Variants in PPL observed in about 807,000 individuals in gnomAD.
PPL encodes periplakin.
Under a neutral mutation model 194.4 loss-of-function variants are expected in PPL, and 198 were observed. That is an observed-to-expected ratio of 1.02 (90% CI 0.91 to 1.15). The LOEUF is 1.15. PPL is among the 50% of genes most tolerant of loss of function. The pLI is 0.00. For missense variants in PPL, 2,885 were observed against 2,294.8 expected, an observed-to-expected ratio of 1.26 and a Z score of -5.25; for synonymous variants, 1,220 against 972.4, an observed-to-expected ratio of 1.25 and a Z score of -4.74.
intron 2 of PPL, among the ~76,000 whole-genome samples, chr16:4,904,450 C>A (rs1305663335): frequency 1.3e-5 from 2 of 152,064 alleles, no homozygotes; most frequent in African/African-American, 4.8e-5. Flanking sequence ...CAAGTCCCTC[C>A]AAGTCAGTGT....
intron 2 of PPL, among the ~76,000 whole-genome samples, chr16:4,908,162 CAAAAAAAAAA>C (rs55889324): frequency 2.7e-5 from 2 of 73,260 alleles, no homozygotes; most frequent in African/African-American, 9.8e-5. Context: ...AGACTGTCTC[CAAAAAAAAAA>C]AAAAAAAAAG....
intron 1 of PPL, among the ~76,000 whole-genome samples, chr16:4,918,965 C>T (rs2142402970): frequency 6.6e-6 from 1 of 152,290 alleles, no homozygotes; most frequent in East Asian, 1.9e-4. Flanking sequence ...CACCCCTGGG[C>T]CATCAGCCCC....
At position 4,910,928 on chromosome 16, in the gene PPL, C is replaced by T. The variant is rs754578337; in HGVS notation, c.84G>A (p.Ser28=). The change falls in exon 2 of 22, where the codon TCG becomes TCA. Residue 28 remains serine, a synonymous_variant. Coordinates refer to ENST00000345988, the MANE Select transcript of PPL (RefSeq NM_002705.5). ...QTRSISNKEL[S]ELIEQLQKNA... is the part of the protein sequence containing the mutation. Reference sequence around the variant, plus strand: ...TCTTCTGCAGCTGCTCGATCAGCTCCGAGAGCTCCTTGTTAGAGATGCTGC... The same window carrying T: ...TCTTCTGCAGCTGCTCGATCAGCTCTGAGAGCTCCTTGTTAGAGATGCTGC... The T allele has an allele frequency of 5.6e-6, 9 of 1,613,082 alleles. No individual in the cohort carries two copies. The highest frequency in any genetic ancestry group is 2.2e-5 in the East Asian group (1 of 44,846).
At chr16:4,886,980 AGCATTGGCTCGGGCCAGTCTTT>A (rs2088229116) in intron 21 of PPL, among the ~76,000 whole-genome samples, 133 bp downstream of exon 21, 1 of 152,256 alleles carries the variant, frequency 6.6e-6, no homozygotes, top group Non-Finnish European at 1.5e-5. Context: ...TGTCAGTAGA[AGCATTGGCTCGGGCCAGTCTTT>A]GCATTGGCCC....
intron 6 of PPL, among the ~76,000 whole-genome samples, chr16:4,899,924 C>T (rs577462635): frequency 2.6e-5 from 4 of 152,254 alleles, no homozygotes; most frequent in South Asian, 2.1e-4. Flanking sequence ...CATTTTGGTA[C>T]GTGGGGCCCT....
At chr16:4,890,426 G>T (rs149510871) in intron 17 of PPL, 92 bp from the exon 18 acceptor site, 7 of 1,413,168 alleles carry the variant, frequency 5.0e-6, no homozygotes, top group Non-Finnish European at 6.5e-6. Context: ...ACAACCAAAT[G>T]TAACAACCAG....
chr16:4,902,799 C>G lies in PPL; in HGVS notation c.318-273G>C, dbSNP rs1042226470. ...CCGCCTCCCAGGTTCAAGCAATTCTCCTGCCTCAACCTCCCGAGTAGCTGG... is the reference window on the plus strand; with the variant it reads ...CCGCCTCCCAGGTTCAAGCAATTCTGCTGCCTCAACCTCCCGAGTAGCTGG... On this transcript the variant is annotated intron_variant, in intron 3 of 21. Coordinates refer to ENST00000345988, the MANE Select transcript of PPL (RefSeq NM_002705.5). This position sits in a 1 kb window ranked among gnomAD's most constrained non-coding sequence, Gnocchi z 4.0. Among the ~76,000 whole-genome samples, 9 of 152,148 alleles carry G rather than the reference C, an allele frequency of 5.9e-5. No homozygotes were observed. The highest frequency in any genetic ancestry group is 5.9e-4 in the Admixed American group (9 of 15,284).
chr16:4,887,341 G>A (rs2088235715), intron 20 of PPL, 114 bp from the exon 21 acceptor site: 1 of 754,070 alleles, frequency 1.3e-6, no homozygotes, highest in South Asian at 1.4e-5. Context: ...TGGGGGTAGA[G>A]GCATAGCTCT....
intron 1 of PPL, among the ~76,000 whole-genome samples, chr16:4,919,926 C>T (rs1220895761): frequency 6.6e-6 from 1 of 151,906 alleles, no homozygotes; most frequent in African/African-American, 2.4e-5. Flanking sequence ...GAGAAAGACC[C>T]TGTCTCAAAT....
intron 2 of PPL, among the ~76,000 whole-genome samples, chr16:4,904,991 C>T (rs144017293): frequency 1.9e-3 from 289 of 152,240 alleles, no homozygotes; most frequent in African/African-American, 5.6e-3. Flanking sequence ...CTAATCACAG[C>T]GGGTTAATTC....
rs767807975 is a variant in PPL, at chr16:4,895,378, C to A, written c.1125G>T (p.Glu375Asp). Residue 375 changes from glutamate to aspartate, a missense_variant, in exon 11 of 22, where the codon GAG (glutamate) becomes GAT (aspartate). Transcript: ENST00000345988. The stretch of plus-strand genomic sequence containing the variant: ...GCTTCTGCAGCCCCTGCACCACGTC[C>A]TCATACTTGTCCAGCACCTTCTCCT... ...DDQEKVLDKYEDVVQGLQKRG... is the reference protein window; with the variant it reads ...DDQEKVLDKYDDVVQGLQKRG... The A allele has an allele frequency of 2.5e-6, 4 of 1,613,434 alleles. No homozygotes were observed. Among genetic ancestry groups the A allele is most frequent in the Non-Finnish European group, 3.4e-6 (4 of 1,179,978 alleles).
intron 1 of PPL, among the ~76,000 whole-genome samples, chr16:4,918,740 G>C (rs750092266): frequency 6.6e-6 from 1 of 152,156 alleles, no homozygotes; most frequent in Non-Finnish European, 1.5e-5. Flanking sequence ...GTAGCTTTGC[G>C]GTCCTGTGTT....
intron 1 of PPL, among the ~76,000 whole-genome samples, chr16:4,932,369 G>A (rs1044586322): frequency 1.3e-5 from 2 of 151,716 alleles, no homozygotes; most frequent in African/African-American, 2.4e-5. Context: ...GTCTGCTTGA[G>A]TCAGCTCCCT....
chr16:4,917,080 T>C (rs2088934378), intron 1 of PPL, among the ~76,000 whole-genome samples: 1 of 151,780 alleles, frequency 6.6e-6, no homozygotes. Context: ...TGCAATGAGC[T>C]GAGATGGCGC....
intron 1 of PPL, among the ~76,000 whole-genome samples, chr16:4,929,176 C>T (rs2089197595): frequency 6.6e-6 from 1 of 151,574 alleles, no homozygotes; most frequent in Non-Finnish European, 1.5e-5. Flanking sequence ...TAGCACCCAA[C>T]CTCAAGGCCT....
intron 1 of PPL, among the ~76,000 whole-genome samples, chr16:4,935,990 T>C (rs1323088244): frequency 6.6e-6 from 1 of 152,172 alleles, no homozygotes; most frequent in Admixed American, 6.5e-5. Flanking sequence ...GCCCCCACTC[T>C]ATTTTCCGAA....
chr16:4,890,001 T>C (rs2088289218), intron 18 of PPL, among the ~76,000 whole-genome samples, 183 bp downstream of exon 18: 1 of 152,230 alleles, frequency 6.6e-6, no homozygotes, highest in Admixed American at 6.5e-5. Context: ...AGCGACACAC[T>C]CGGTTCTTGT....
At chr16:4,889,241 G>GTTTTTTTT (rs869094472) in intron 18 of PPL, among the ~76,000 whole-genome samples, 180 bp from the exon 19 acceptor site, 6 of 66,628 alleles carry the variant, frequency 9.0e-5, no homozygotes, top group African/African-American at 3.0e-4. Context: ...TGTTGTTGTT[G>GTTTTTTTT]TTTTTTTTTT....
At chr16:4,889,514 C>T (rs981561222) in intron 18 of PPL, among the ~76,000 whole-genome samples, 3 of 151,964 alleles carry the variant, frequency 2.0e-5, no homozygotes, top group African/African-American at 7.3e-5. Flanking sequence ...GCCTCAGCCT[C>T]CCAAAATGCC....
Sources: gnomAD v4.1 joint callset for allele counts (sites outside exome capture counted in the v4.1 genomes callset) on GRCh38, gnomAD v4.1.1 for gene constraint, Gnocchi (gnomAD v3.1) non-coding constraint, MANE v1.5 for transcripts, NCBI Gene and HGNC (gene_info 2026-07-23, HGNC 2026-07-21) for gene names.